The following COL5A1 variants were observed in gnomAD, a reference collection of about 807,000 sequenced individuals.
COL5A1 encodes collagen alpha-1(V) chain.
A neutral mutation model predicts 263.7 loss-of-function variants in COL5A1; 16 were observed. The ratio of observed to expected loss-of-function variants is 0.06; its 90% CI spans 0.04 to 0.09. The LOEUF (loss-of-function observed/expected upper bound fraction) is 0.09. COL5A1 is among the 10% of genes least tolerant of loss of function. COL5A1 has a pLI of 1.00. For missense variants in COL5A1, 2,036 were observed against 2,540.5 expected, an observed-to-expected ratio of 0.80 and a Z score of 4.27; for synonymous variants, 1,012 against 1,004.5, an observed-to-expected ratio of 1.01 and a Z score of -0.14.
At position 134,810,307 on chromosome 9, in the gene COL5A1, A is replaced by T; in HGVS notation, c.3527A>T (p.Gln1176Leu). 1.2e-6 allele frequency: 2 copies of T among 1,614,088 alleles called. No individual in the cohort carries two copies. The highest frequency in any genetic ancestry group is 1.7e-6 in the Non-Finnish European group (2 of 1,179,950). The change falls in exon 44 of 66, where the codon CAG (glutamine) becomes CTG (leucine). Residue 1176 changes from glutamine (Q) to leucine (L), a missense_variant and splice_region_variant. Transcript: ENST00000371817. ...QKGSKGDKGE[Q>L]GPPGPTGPQG... ...GGAAGCAAGGGGGACAAAGGAGAAC[A>T]GGTAAGTATTGGCACGGGGGCGCGC...
chr9:134,744,875 TCACACACCTGCA>T (rs1564426461), intron 11 of COL5A1, among the ~76,000 whole-genome samples: 1 of 148,792 alleles, frequency 6.7e-6, no homozygotes, highest in African/African-American at 2.5e-5. Context: ...ACACATGCAC[TCACACACCTGCA>T]CACACACTCA....
At chr9:134,780,075 C>T (rs1417183393) in intron 27 of COL5A1, 27 bp from the exon 28 acceptor site, 3 of 1,613,190 alleles carry the variant, frequency 1.9e-6, no homozygotes, top group Non-Finnish European at 2.5e-6. Context: ...TAACCATTCA[C>T]TCCTTTTTCT....
intron 37 of COL5A1, among the ~76,000 whole-genome samples, 156 bp downstream of exon 37, chr9:134,798,617 G>A (rs942000348): frequency 1.0e-4 from 4 of 39,440 alleles, no homozygotes; most frequent in Non-Finnish European, 1.6e-4. Context: ...GCCGGCTTCC[G>A]CTGACTCAGA....
chr9:134,658,744 C>G (rs867836733), intron 1 of COL5A1, among the ~76,000 whole-genome samples: 2 of 152,130 alleles, frequency 1.3e-5, no homozygotes, highest in African/African-American at 4.8e-5. Context: ...TGTGGTTGTG[C>G]GGAGAGCAGC....
chr9:134,750,769 A>G, intron 12 of COL5A1, 21 bp from the exon 13 acceptor site: 1 of 1,612,704 alleles, frequency 6.2e-7, no homozygotes, highest in Non-Finnish European at 8.5e-7. Flanking sequence ...TCCCAGAGTG[A>G]CCCTTGTCTT....
chr9:134,711,559 C>T (rs1834043357), intron 4 of COL5A1, among the ~76,000 whole-genome samples: 1 of 152,106 alleles, frequency 6.6e-6, no homozygotes, highest in South Asian at 2.1e-4. Flanking sequence ...GTGGCCACCG[C>T]TTGTTCAGAA....
chr9:134,649,341 T>C lies in COL5A1; in HGVS notation c.109+7045T>C, dbSNP rs541815980. 4 of 378,310 alleles carry C rather than the reference T, an allele frequency of 1.1e-5. No individual in the cohort carries two copies. In the East Asian group the frequency reaches 2.2e-4, roughly 21 times the overall value. The allele number at this position is 378,310 out of a possible 1,614,324, so 23.4% of individuals were successfully genotyped here. A position where few individuals can be genotyped will look rare whatever the true frequency, so the allele number is the denominator to read the frequency against. On this transcript the variant is annotated intron_variant, in intron 1 of 65. Transcript: ENST00000371817. ...CTCATATTAGCAGTAAATGTCACCA[T>C]CCTTTGATGACTCAGACCTAAGAAA... is the stretch of plus-strand genomic sequence containing the variant.
Position 134,821,832 on chromosome 9 carries a change from G to A in COL5A1, c.4555-265G>A, listed in dbSNP as rs1365679127. Among the ~76,000 whole-genome samples, 1 of 152,242 alleles carries A rather than the reference G, an allele frequency of 6.6e-6. No individual in the cohort carries two copies. The highest frequency in any genetic ancestry group is 1.5e-5 in the Non-Finnish European group (1 of 68,038). On this transcript the variant is annotated intron_variant, in intron 58 of 65. Transcript: ENST00000371817. The surrounding 1 kb of genome is among the most constrained non-coding windows in gnomAD (Gnocchi z 4.2). ...CTCAGCCTGAAGTCCTCGGTGGCCT[G>A]GGGGATGAGAGTGAGTTCCTGGCAG...
intron 57 of COL5A1, among the ~76,000 whole-genome samples, chr9:134,819,651 A>G (rs529039423): frequency 1.3e-5 from 2 of 152,338 alleles, no homozygotes; most frequent in East Asian, 3.9e-4. Context: ...GAAGACAAAC[A>G]TAGACAGCGA....
In COL5A1 at chr9:134,641,909, T is replaced by TGGA. The variant is rs886063671; in HGVS notation, c.-261_-259dup. ...CGGCGAGGAGGAGGCGAGAAGGAGT[T>TGGA]GGAGGAGGAGGAGGAGGAGGCGAGG... is the stretch of plus-strand genomic sequence containing the variant. On this transcript the variant is annotated 5_prime_UTR_variant, in exon 1 of 66. Coordinates refer to ENST00000371817, the MANE Select transcript of COL5A1 (RefSeq NM_000093.5). 4.6e-5 allele frequency: 17 copies of TGGA among 369,616 alleles called. No individual in the cohort carries two copies. Among genetic ancestry groups the TGGA allele is most frequent in the African/African-American group, 8.5e-5 (4 of 46,808 alleles). The allele number at this position is 369,616 out of a possible 1,614,324, so 22.9% of individuals were successfully genotyped here.
Position 134,682,058 on chromosome 9 carries a change from T to C in COL5A1, c.110-8854T>C, listed in dbSNP as rs1165700101. On this transcript the variant is annotated intron_variant, in intron 1 of 65. Coordinates refer to ENST00000371817, the MANE Select transcript of COL5A1 (RefSeq NM_000093.5). This position sits in a 1 kb window ranked among gnomAD's most constrained non-coding sequence, Gnocchi z 5.1. ...ATCAAGTCCACCCTGGTCCCTTGGCTGTGCAGGCCACAGACATTTGGCAGG... is the reference window on the plus strand; with the variant it reads ...ATCAAGTCCACCCTGGTCCCTTGGCCGTGCAGGCCACAGACATTTGGCAGG... 6.6e-6 allele frequency among the ~76,000 whole-genome samples: 1 copy of C among 152,178 alleles called. No homozygotes were observed. Among genetic ancestry groups the C allele is most frequent in the Non-Finnish European group, 1.5e-5 (1 of 68,038 alleles).
chr9:134,738,966 G>A (rs756683431), intron 11 of COL5A1, among the ~76,000 whole-genome samples, 158 bp downstream of exon 11: 2 of 152,192 alleles, frequency 1.3e-5, no homozygotes, highest in African/African-American at 4.8e-5. Context: ...CACCAGCCCC[G>A]TTCAGATGTT....
At position 134,682,160 on chromosome 9, in the gene COL5A1, T is replaced by C. The variant is rs1288915745; in HGVS notation, c.110-8752T>C. ...ACCTCTGGAGGACGGGCCGGGGAGCTTTAAGGGCCAGGCAGAAATGCTGCC... is the reference window on the plus strand; with the variant it reads ...ACCTCTGGAGGACGGGCCGGGGAGCCTTAAGGGCCAGGCAGAAATGCTGCC... On this transcript the variant is annotated intron_variant, in intron 1 of 65. Coordinates refer to ENST00000371817, the MANE Select transcript of COL5A1 (RefSeq NM_000093.5). The surrounding 1 kb of genome is among the most constrained non-coding windows in gnomAD (Gnocchi z 5.1). 6.6e-6 allele frequency among the ~76,000 whole-genome samples: 1 copy of C among 152,096 alleles called. No individual in the cohort carries two copies. The highest frequency in any genetic ancestry group is 1.5e-5 in the Non-Finnish European group (1 of 68,016).
chr9:134,708,095 C>T (rs894902069), intron 4 of COL5A1, among the ~76,000 whole-genome samples: 7 of 152,132 alleles, frequency 4.6e-5, no homozygotes, highest in South Asian at 2.1e-4. Context: ...GGGAGGTGTC[C>T]GGGGAGGGAG....
At chr9:134,667,574 C>T (rs980265048) in intron 1 of COL5A1, among the ~76,000 whole-genome samples, 1 of 152,240 alleles carries the variant, frequency 6.6e-6, no homozygotes, top group Admixed American at 6.5e-5. Flanking sequence ...AGGGCCTCAC[C>T]TTGGTGTCCA....
intron 64 of COL5A1, among the ~76,000 whole-genome samples, chr9:134,833,495 G>A (rs1839728186): frequency 6.6e-6 from 1 of 152,212 alleles, no homozygotes; most frequent in Non-Finnish European, 1.5e-5. Flanking sequence ...GGCACAGGCA[G>A]GGCAGGCAGA....
At position 134,686,516 on chromosome 9, in the gene COL5A1, T is replaced by G. The variant is rs556314443; in HGVS notation, c.110-4396T>G. Among the ~76,000 whole-genome samples, 9 of 152,298 alleles carry G rather than the reference T, an allele frequency of 5.9e-5. 1 individual carries two copies. The South Asian group carries it at 1.2e-3, about 21-fold the overall frequency. On this transcript the variant is annotated intron_variant, in intron 1 of 65. Coordinates refer to ENST00000371817, the MANE Select transcript of COL5A1 (RefSeq NM_000093.5). This position sits in a 1 kb window ranked among gnomAD's most constrained non-coding sequence, Gnocchi z 4.6. ...ATCTGCCTGCCTCGGCCTCCCAAAG[T>G]GCTGGGATTCCAGTCCTGAGCCACC...
chr9:134,710,144 G>C (rs1833972476), intron 4 of COL5A1, among the ~76,000 whole-genome samples: 1 of 152,246 alleles, frequency 6.6e-6, no homozygotes, highest in Admixed American at 6.5e-5. Context: ...TCCTCAGCTG[G>C]AAAGTGGGGA....
At chr9:134,649,434 C>T (rs1347961791) in intron 1 of COL5A1, 2 of 462,536 alleles carry the variant, frequency 4.3e-6, no homozygotes, top group Non-Finnish European at 8.9e-6. Flanking sequence ...ATGGGCTCAG[C>T]CTATTTGCCG....
Sources: gnomAD v4.1 joint callset for allele counts (sites outside exome capture counted in the v4.1 genomes callset) on GRCh38, gnomAD v4.1.1 for gene constraint, Gnocchi (gnomAD v3.1) non-coding constraint, MANE v1.5 for transcripts, NCBI Gene and HGNC (gene_info 2026-07-23, HGNC 2026-07-21) for gene names.